The following ANKRD26 variants were observed in gnomAD, a reference collection of about 807,000 sequenced individuals.
ANKRD26 encodes the protein ankyrin repeat domain-containing protein 26.
A neutral mutation model predicts 208.7 loss-of-function variants in ANKRD26; 141 were observed. The observed-to-expected ratio is 0.68, with a 90% CI of 0.59 to 0.78. The LOEUF (loss-of-function observed/expected upper bound fraction) is 0.78. Ranked by LOEUF, ANKRD26 falls within the 30% of genes least tolerant of loss-of-function variation. ANKRD26 has a pLI of 0.00. For synonymous variants in ANKRD26, 636 were observed against 660.4 expected, an observed-to-expected ratio of 0.96 and a Z score of 0.57; for missense variants, 1,889 against 1,938.7, an observed-to-expected ratio of 0.97 and a Z score of 0.48.
chr10:26,964,131 A>C, the ANKRD26 span, among the ~76,000 whole-genome samples: 2 of 145,788 alleles, frequency 1.4e-5, no homozygotes, highest in Admixed American at 1.4e-4. Context: ...CTGGTCTCAA[A>C]CTCCTAACAT....
rs1564358451 is a variant in ANKRD26, at chr10:27,017,585, C to T, written c.4423G>A (p.Val1475Ile). 6.2e-7 allele frequency: 1 copy of T among 1,613,706 alleles called. No homozygotes were observed. Residue 1475 changes from valine to isoleucine, a missense_variant, in exon 30 of 34, where the codon GTC becomes ATC. Coordinates refer to ENST00000376087, the MANE Select transcript of ANKRD26 (RefSeq NM_014915.3). ...TCAATCTCCTGTTTATACTGTTTGACTTGACCAAGTTCTACCATATTCCTT... is the reference window on the plus strand; with the variant it reads ...TCAATCTCCTGTTTATACTGTTTGATTTGACCAAGTTCTACCATATTCCTT... ...IERNMVELGQ[V>I]KQYKQEIEER...
intron 19 of ANKRD26, 119 bp from the exon 20 acceptor site, chr10:27,043,686 AT>A: frequency 2.9e-6 from 3 of 1,028,722 alleles, no homozygotes; most frequent in Non-Finnish European, 4.3e-6. Flanking sequence ...AAAAGAACTG[AT>A]TTTTGTTAAA....
At chr10:27,015,712 A>G (rs1005864470) in intron 30 of ANKRD26, among the ~76,000 whole-genome samples, 2 of 152,288 alleles carry the variant, frequency 1.3e-5, no homozygotes, top group East Asian at 1.9e-4. Flanking sequence ...CAACGGCTAC[A>G]TATTTTCAAG....
intron 21 of ANKRD26, among the ~76,000 whole-genome samples, chr10:27,039,410 C>T (rs369038130): frequency 3.1e-4 from 46 of 150,484 alleles, no homozygotes; most frequent in East Asian, 1.2e-3. Flanking sequence ...GCCAAGATTG[C>T]GCCACTGCAC....
At chr10:26,992,515 AAAAG>A (rs2052508435) in intron 5 of ANKRD26, among the ~76,000 whole-genome samples, 2 of 138,400 alleles carry the variant, frequency 1.4e-5, no homozygotes, top group African/African-American at 5.1e-5. Context: ...CACAGAGAGA[AAAAG>A]AGAGAGACTT....
chr10:26,991,217 A>T (rs2052480249), downstream of ANKRD26, among the ~76,000 whole-genome samples: 1 of 152,190 alleles, frequency 6.6e-6, no homozygotes, highest in Non-Finnish European at 1.5e-5. Flanking sequence ...AAGCACCAAT[A>T]GGAGAGTTGC....
chr10:26,959,226 C>T, the ANKRD26 span, among the ~76,000 whole-genome samples: 36 of 149,750 alleles, frequency 2.4e-4, no homozygotes, highest in African/African-American at 7.6e-4. Context: ...TGCAGTGAGC[C>T]GAGGTCACGC....
intron 19 of ANKRD26, 75 bp downstream of exon 19, chr10:27,044,082 C>T: frequency 2.6e-6 from 3 of 1,139,690 alleles, no homozygotes; most frequent in South Asian, 3.1e-5. Flanking sequence ...GTGTGAGCCA[C>T]TGTGCCCAGC....
intron 4 of ANKRD26, chr10:27,088,383 T>C (rs530871705): frequency 6.6e-6 from 1 of 152,292 alleles, no homozygotes; most frequent in African/African-American, 2.4e-5. Flanking sequence ...GCTGATCTTC[T>C]CTACATTGTT....
In ANKRD26 at chr10:27,052,542, G is replaced by A. The variant is rs79201221; in HGVS notation, c.1635+778C>T. The stretch of plus-strand genomic sequence containing the variant: ...TAGGAGCCAAAATAAACACCAATCA[G>A]AAAGAAAAGTTAACTCTTACATTTT... On this transcript the variant is annotated intron_variant, in intron 16 of 33. Coordinates refer to ENST00000376087, the MANE Select transcript of ANKRD26 (RefSeq NM_014915.3). Among the ~76,000 whole-genome samples, 1,027 of 152,032 alleles carry A rather than the reference G, an allele frequency of 6.8e-3. 2 individuals are homozygous for A. Among genetic ancestry groups the A allele is most frequent in the Admixed American group, 8.1e-3 (124 of 15,276 alleles).
Sources: allele counts gnomAD v4.1 joint callset (sites outside exome capture counted in the v4.1 genomes callset), GRCh38; gene constraint gnomAD v4.1.1; transcripts MANE v1.5; gene names NCBI Gene and HGNC (gene_info 2026-07-23, HGNC 2026-07-21).